The following MYO19 variants were observed in gnomAD, a reference collection of about 807,000 sequenced individuals.
The protein encoded by MYO19 is myosin XIX, also known as unconventional myosin-XIX.
A neutral mutation model predicts 129.2 loss-of-function variants in MYO19; 132 were observed. The ratio of observed to expected loss-of-function variants is 1.02; its 90% CI spans 0.89 to 1.18. The LOEUF (loss-of-function observed/expected upper bound fraction) is 1.18, where lower values mean the gene tolerates loss of function less well. MYO19 is among the 50% of genes most tolerant of loss of function. The pLI is 0.00. For missense variants in MYO19, 1,210 were observed against 1,216.7 expected, an observed-to-expected ratio of 0.99 and a Z score of 0.08; for synonymous variants, 531 against 477.2, an observed-to-expected ratio of 1.11 and a Z score of -1.47.
At chr17:36,507,684 AAAAAT>A (rs2072013559) in intron 15 of MYO19, 114 bp downstream of exon 15, 3 of 1,322,198 alleles carry the variant, frequency 2.3e-6, no homozygotes, top group African/African-American at 1.5e-5. Context: ...TTTGTCAATT[AAAAAT>A]AAAATAAGAA....
At chr17:36,507,776 C>G (rs2072022681) in intron 15 of MYO19, 27 bp downstream of exon 15, 1 of 1,572,676 alleles carries the variant, frequency 6.4e-7, no homozygotes, top group Non-Finnish European at 8.6e-7. Context: ...AAAGAAGGAC[C>G]TGCCTCCTGC....
intron 3 of MYO19, among the ~76,000 whole-genome samples, chr17:36,529,140 C>T (rs928165439): frequency 4.0e-5 from 6 of 151,518 alleles, no homozygotes; most frequent in Admixed American, 3.9e-4. Flanking sequence ...GTCCTTTCTC[C>T]TCCCTTGCCT....
At position 36,498,867 on chromosome 17, in the gene MYO19, G is replaced by A. The variant is rs146085193; in HGVS notation, c.2463+208C>T. ...CAGAGTTTGGTATATTCCCAGAGTT[G>A]CTTATACCACTCTTCACCTACATAA... On this transcript the variant is annotated intron_variant, in intron 24 of 25. Transcript: ENST00000614623. 241 of 593,872 alleles carry A rather than the reference G, an allele frequency of 4.1e-4. No homozygotes were observed. The African/African-American group carries it at 4.2e-3, about 10-fold the overall frequency. 36.8% of individuals were successfully genotyped at this position (593,872 alleles called of 1,614,324 possible).
chr17:36,532,739 C>G, intron 2 of MYO19, 58 bp from the exon 3 acceptor site: 1 of 636,898 alleles, frequency 1.6e-6, no homozygotes, highest in Non-Finnish European at 2.7e-6. Context: ...TCTGGAGTGA[C>G]TCACTCACTC....
chr17:36,524,436 T>C (rs756355891), intron 6 of MYO19, among the ~76,000 whole-genome samples: 8 of 152,186 alleles, frequency 5.3e-5, no homozygotes, highest in Non-Finnish European at 8.8e-5. Context: ...GGTAAAAGTG[T>C]TGTGGAAAGG....
chr17:36,528,173 G>T lies in MYO19; in HGVS notation c.42C>A (p.Gly14=). ...CTTCTCTGAGGTACTCCCTGGCTTG[G>T]CCATCAGACCCCGGATTGTGGCCAT... ...QVNGHNPGSD[G]QAREYLREDL... Residue 14 remains glycine (G), a synonymous_variant, in exon 4 of 26, where the codon GGC becomes GGA. Coordinates refer to ENST00000614623, the MANE Select transcript of MYO19 (RefSeq NM_001163735.2). 1 of 1,601,528 alleles carries T rather than the reference G, an allele frequency of 6.2e-7. No individual in the cohort carries two copies. Among genetic ancestry groups the T allele is most frequent in the Non-Finnish European group, 8.5e-7 (1 of 1,173,710 alleles).
rs1567762615 is a variant in MYO19, at chr17:36,515,187, A to G, written c.548-5T>C. On this transcript the variant is annotated splice_region_variant and splice_polypyrimidine_tract_variant and intron_variant, in intron 7 of 25. Coordinates refer to ENST00000614623, the MANE Select transcript of MYO19 (RefSeq NM_001163735.2). ...TCCTCAGTGTACACGCATTCCCTAC[A>G]GATCACACCTATGTTTATTTCACTC... 2 of 1,612,104 alleles carry G rather than the reference A, an allele frequency of 1.2e-6. No individual in the cohort carries two copies. Among genetic ancestry groups the G allele is most frequent in the Non-Finnish European group, 1.7e-6 (2 of 1,179,050 alleles).
intron 25 of MYO19, 122 bp downstream of exon 25, chr17:36,498,144 T>G: frequency 1.8e-6 from 2 of 1,095,116 alleles, no homozygotes; most frequent in Non-Finnish European, 2.6e-6. Context: ...CCCTCTGGTT[T>G]ACCCAGTAGG....
intron 12 of MYO19, 54 bp from the exon 13 acceptor site, chr17:36,510,971 C>G: frequency 4.6e-6 from 7 of 1,515,590 alleles, no homozygotes; most frequent in Non-Finnish European, 6.2e-6. Flanking sequence ...GTCCTCTTCA[C>G]GAGGCACTGT....
intron 25 of MYO19, chr17:36,497,698 C>G (rs2071125804): frequency 3.9e-6 from 1 of 256,036 alleles, no homozygotes; most frequent in African/African-American, 2.3e-5. Context: ...AATTCTCATG[C>G]CTCAGCCTCC....
Position 36,496,133 on chromosome 17 carries a change from C to CTGTT in MYO19, c.*114_*117dup. On this transcript the variant is annotated 3_prime_UTR_variant, in exon 26 of 26. Coordinates refer to ENST00000614623, the MANE Select transcript of MYO19 (RefSeq NM_001163735.2). Reference sequence around the variant, plus strand: ...TCTGGGTCGAAGGCTGGAGCCGTCACTGTTGTTCATGTGCATTTGGAGCAC... The same window carrying CTGTT: ...TCTGGGTCGAAGGCTGGAGCCGTCACTGTTTGTTGTTCATGTGCATTTGGAGCAC... The CTGTT allele has an allele frequency of 7.2e-7, 1 of 1,383,360 alleles. No homozygotes were observed. Among genetic ancestry groups the CTGTT allele is most frequent in the Admixed American group, 1.9e-5 (1 of 53,612 alleles). The allele number at this position is 1,383,360 out of a possible 1,614,324, so 85.7% of individuals were successfully genotyped here. A position where few individuals can be genotyped will look rare whatever the true frequency, so the allele number is the denominator to read the frequency against.
chr17:36,512,686 G>A (rs2072445105), intron 11 of MYO19: 1 of 1,289,062 alleles, frequency 7.8e-7, no homozygotes. Flanking sequence ...CCCCCATCTG[G>A]AGGTGAGGGT....
rs1326926177 is a variant in MYO19 at position 36,534,089 on chromosome 17, G to GGA, written c.-282_-281dup. On this transcript the variant is annotated 5_prime_UTR_variant, in exon 2 of 26. Transcript: ENST00000614623. ...TCGCGGTTACCAGCCAAGAATTTCT[G>GGA]GAAAGGGTGTGAACACTGTGGGCAG... 6.6e-6 allele frequency: 1 copy of GGA among 152,278 alleles called. No homozygotes were observed. Among genetic ancestry groups the GGA allele is most frequent in the African/African-American group, 2.4e-5 (1 of 41,452 alleles). The allele number at this position is 152,278 out of a possible 1,614,324, so 9.4% of individuals were successfully genotyped here. A position where few individuals can be genotyped will look rare whatever the true frequency, so the allele number is the denominator to read the frequency against.
At chr17:36,541,138 G>A (rs1244429013) in intron 2 of MYO19, among the ~76,000 whole-genome samples, 1 of 151,838 alleles carries the variant, frequency 6.6e-6, no homozygotes, top group Non-Finnish European at 1.5e-5. Context: ...TATTAGAGAC[G>A]GGGTTTCACC....
chr17:36,531,825 C>A (rs945545757), intron 3 of MYO19, among the ~76,000 whole-genome samples: 3 of 152,190 alleles, frequency 2.0e-5, no homozygotes, highest in Non-Finnish European at 2.9e-5. Context: ...TCCTTGAGGG[C>A]AAGCACCAAC....
At chr17:36,537,127 C>T, upstream of MYO19, 4 of 1,598,230 alleles carry the variant, frequency 2.5e-6, no homozygotes, top group South Asian at 3.4e-5. Flanking sequence ...ATGAAGGAAG[C>T]TTTTGTCAGT....
At chr17:36,525,379 G>T in intron 5 of MYO19, 38 bp from the exon 6 acceptor site, 2 of 1,435,322 alleles carry the variant, frequency 1.4e-6, no homozygotes, top group Non-Finnish European at 2.0e-6. Flanking sequence ...GTGAGGGAAT[G>T]CCTGTTTTTC....
At chr17:36,503,561 C>G (rs554767029) in intron 20 of MYO19, among the ~76,000 whole-genome samples, 3 of 152,210 alleles carry the variant, frequency 2.0e-5, no homozygotes, top group Non-Finnish European at 2.9e-5. Context: ...GCCACATCTC[C>G]CCTCTGACCT....
intron 14 of MYO19, 112 bp downstream of exon 14, chr17:36,508,950 A>C: frequency 1.1e-6 from 1 of 886,272 alleles, no homozygotes; most frequent in Non-Finnish European, 1.8e-6. Context: ...GGAGACAAAA[A>C]AGGGAAAGGA....
Sources: allele counts gnomAD v4.1 joint callset (sites outside exome capture counted in the v4.1 genomes callset), GRCh38; gene constraint gnomAD v4.1.1; transcripts MANE v1.5; gene names NCBI Gene and HGNC (gene_info 2026-07-23, HGNC 2026-07-21).